NPC1: variants seen among roughly 807,000 people sequenced by gnomAD.
NPC1 encodes the protein Niemann-Pick C1 protein.
In NPC1, 85 loss-of-function variants were observed where a neutral mutation model predicts 140.4. That is an observed-to-expected ratio of 0.61 (90% CI 0.51 to 0.72). The LOEUF is 0.72. NPC1 is among the 30% of genes least tolerant of loss of function. The probability of loss-of-function intolerance (pLI) is 0.00; values close to 1 mark genes in which losing one functional copy is unlikely to be tolerated. For synonymous variants in NPC1, 656 were observed against 624.8 expected, an observed-to-expected ratio of 1.05 and a Z score of -0.74; for missense variants, 1,504 against 1,623.8, an observed-to-expected ratio of 0.93 and a Z score of 1.27.
At chr18:23,585,001 G>A (rs1271449778) in intron 1 of NPC1, among the ~76,000 whole-genome samples, 2 of 152,126 alleles carry the variant, frequency 1.3e-5, no homozygotes, top group Non-Finnish European at 2.9e-5. Flanking sequence ...GAGCTATGAT[G>A]GCGACACTGC....
At chr18:23,564,296 T>G (rs79845127) in intron 4 of NPC1, among the ~76,000 whole-genome samples, 3 of 152,218 alleles carry the variant, frequency 2.0e-5, no homozygotes, top group African/African-American at 7.2e-5. Context: ...GAGTTCTTTA[T>G]GTATTCTAGA....
intron 3 of NPC1, among the ~76,000 whole-genome samples, chr18:23,516,784 G>A (rs998473673): frequency 6.7e-6 from 1 of 148,876 alleles, no homozygotes; most frequent in African/African-American, 2.5e-5. Flanking sequence ...GGAGTGCAGT[G>A]GTGCAGTGTC....
rs527679820 is a variant in NPC1 at position 23,513,705 on chromosome 18, CTGTTT to C, written c.432-7068_432-7064del. On this transcript the variant is annotated intron_variant, in intron 3 of 3. Coordinates refer to the NPC1 transcript ENST00000591107. Reference sequence around the variant, plus strand: ...TTCTCCATATCCTCACCAACACTTGCTGTTTTGTTTTGTTTTGTTTTTGATACTAG... The same window carrying C: ...TTCTCCATATCCTCACCAACACTTGCTGTTTTGTTTTGTTTTTGATACTAG... 1.2e-3 allele frequency among the ~76,000 whole-genome samples: 178 copies of C among 152,284 alleles called. 1 individual carries two copies. The highest frequency in any genetic ancestry group is 3.4e-3 in the African/African-American group (141 of 41,552).
At chr18:23,524,191 T>A in intron 1 of NPC1, 1 of 1,612,884 alleles carries the variant, frequency 6.2e-7, no homozygotes, top group Non-Finnish European at 8.5e-7. Context: ...TTTACTAAGG[T>A]GTGGCACCGT....
At chr18:23,549,139 C>T (rs1044199810) in intron 10 of NPC1, among the ~76,000 whole-genome samples, 2 of 152,138 alleles carry the variant, frequency 1.3e-5, no homozygotes, top group African/African-American at 4.8e-5. Context: ...TGTATATTTC[C>T]AATTTTGATA....
At chr18:23,540,377 G>A in intron 17 of NPC1, 71 bp downstream of exon 17, 1 of 999,626 alleles carries the variant, frequency 1.0e-6, no homozygotes, top group Non-Finnish European at 1.5e-6. Flanking sequence ...ACACCTACGT[G>A]CATGTTTTGA....
At position 23,547,986 on chromosome 18, in the gene NPC1, C is replaced by CA; in HGVS notation, c.1757+19dup. ...TCCCACAATGCAAGGACAGTCTGCTCACACCCATGAGTGACTCACTCTTTT... is the reference window on the plus strand; with the variant it reads ...TCCCACAATGCAAGGACAGTCTGCTCAACACCCATGAGTGACTCACTCTTTT... On this transcript the variant is annotated intron_variant, in intron 11 of 24. Transcript: ENST00000269228. 1.5e-6 allele frequency: 2 copies of CA among 1,365,502 alleles called. No homozygotes were observed. Among genetic ancestry groups the CA allele is most frequent in the Non-Finnish European group, 2.1e-6 (2 of 953,090 alleles). 84.6% of individuals were successfully genotyped at this position (1,365,502 alleles called of 1,614,324 possible).
intron 1 of NPC1, among the ~76,000 whole-genome samples, chr18:23,580,859 C>T (rs1242793218): frequency 6.6e-6 from 1 of 152,194 alleles, no homozygotes; most frequent in African/African-American, 2.4e-5. Flanking sequence ...TATGGCAGGG[C>T]ATTTAGGGTG....
Position 23,544,948 on chromosome 18 carries a change from C to CCCCCT in NPC1, c.1947+11_1947+12insAGGGG, listed in dbSNP as rs1555634669. 3.1e-5 allele frequency: 43 copies of CCCCCT among 1,379,420 alleles called. 3 individuals are homozygous for CCCCCT. The highest frequency in any genetic ancestry group is 1.1e-4 in the South Asian group (9 of 85,112). 85.4% of individuals were successfully genotyped at this position (1,379,420 alleles called of 1,614,324 possible). A position where few individuals can be genotyped will look rare whatever the true frequency, so the allele number is the denominator to read the frequency against. On this transcript the variant is annotated intron_variant, in intron 12 of 24. Transcript: ENST00000269228. ...TAACCTCTAGAACATACACCACCCC[C>CCCCCT]CCCCGGCTTACCAGAAGCCTGCGAC...
rs2058813692 is a variant in NPC1 at position 23,548,041 on chromosome 18, T to C, written c.1722A>G (p.Thr574=). 1 of 1,611,576 alleles carries C rather than the reference T, an allele frequency of 6.2e-7. No individual in the cohort carries two copies. The highest frequency in any genetic ancestry group is 8.5e-7 in the Non-Finnish European group (1 of 1,177,804). Residue 574 remains threonine, a synonymous_variant, in exon 11 of 25, where the codon ACA becomes ACG. Coordinates refer to ENST00000269228, the MANE Select transcript of NPC1 (RefSeq NM_000271.5). The stretch of plus-strand genomic sequence containing the variant: ...AGGCCTGGGCCCTCTGGAGCTTCTC[T>C]GTATCATTATAGTAATTATTGACAG... The part of the protein sequence containing the change: ...TFPVNNYYND[T]EKLQRAQAWE...
intron 19 of NPC1, 150 bp from the exon 20 acceptor site, chr18:23,538,821 A>G (rs2058671001): frequency 1.2e-6 from 1 of 807,964 alleles, no homozygotes; most frequent in Admixed American, 2.1e-5. Context: ...CCTTATCTAA[A>G]AGCTTCAGCC....
intron 3 of NPC1, chr18:23,516,036 G>T: frequency 6.2e-7 from 1 of 1,613,164 alleles, no homozygotes; most frequent in Non-Finnish European, 8.5e-7. Flanking sequence ...CCTTTCCCCA[G>T]TTGTCCCCTG....
downstream of NPC1, chr18:23,530,552 A>G: frequency 6.2e-7 from 1 of 1,614,224 alleles, no homozygotes; most frequent in South Asian, 1.1e-5. Flanking sequence ...TTTCTATACA[A>G]TATTCCGCTT....
downstream of NPC1, chr18:23,526,688 C>T: frequency 6.2e-7 from 1 of 1,614,136 alleles, no homozygotes; most frequent in Non-Finnish European, 8.5e-7. Flanking sequence ...AATCTCTTAC[C>T]AGACAAAGGA....
downstream of NPC1, chr18:23,529,824 C>G (rs2058435493): frequency 8.5e-7 from 1 of 1,173,854 alleles, no homozygotes; most frequent in Non-Finnish European, 1.2e-6. Flanking sequence ...CTCCCTGACT[C>G]AGAATGCTGA....
In NPC1 at chr18:23,550,745, G is replaced by A. The variant is rs568112928; in HGVS notation, c.1654+882C>T. ...TTGTGATCCACCCGCCTCGGCCTCC[G>A]AAAGTGCTGGGATTACAGGCGTGAG... On this transcript the variant is annotated intron_variant, in intron 10 of 24. Transcript: ENST00000269228. Among the ~76,000 whole-genome samples the A allele has an allele frequency of 2.7e-4, 41 of 151,874 alleles. 1 individual carries two copies. The highest frequency in any genetic ancestry group is 8.7e-4 in the African/African-American group (36 of 41,424).
intron 23 of NPC1, 136 bp from the exon 24 acceptor site, chr18:23,533,653 T>C (rs2058577204): frequency 2.4e-6 from 2 of 826,144 alleles, no homozygotes; most frequent in Non-Finnish European, 4.1e-6. Flanking sequence ...ATTAAACAGG[T>C]GCACGCCACC....
intron 4 of NPC1, among the ~76,000 whole-genome samples, chr18:23,562,309 C>CA (rs1014105706): frequency 5.2e-4 from 76 of 146,156 alleles, no homozygotes; most frequent in African/African-American, 1.8e-3. Context: ...AAAAAAAAAA[C>CA]AAAAAAAACC....
downstream of NPC1, chr18:23,520,165 T>C (rs773334610): frequency 2.2e-5 from 34 of 1,513,234 alleles, no homozygotes; most frequent in East Asian, 7.2e-4. Flanking sequence ...CAAACCATGA[T>C]TGATTTTGGC....
Sources: gnomAD v4.1 joint callset for allele counts (sites outside exome capture counted in the v4.1 genomes callset) on GRCh38, gnomAD v4.1.1 for gene constraint, MANE v1.5 for transcripts, NCBI Gene and HGNC (gene_info 2026-07-23, HGNC 2026-07-21) for gene names.